Variants in LSM3 observed in about 807,000 individuals in gnomAD.
LSM3 encodes U6 snRNA-associated Sm-like protein LSm3.
LSM3 carries 14 observed loss-of-function variants against 15.4 expected under a neutral mutation model. That is an observed-to-expected ratio of 0.91 (90% CI 0.60 to 1.42). The LOEUF (loss-of-function observed/expected upper bound fraction) is 1.42, where lower values mean the gene tolerates loss of function less well. LSM3 is among the 40% of genes most tolerant of loss of function. The pLI, the probability that LSM3 is intolerant of heterozygous loss-of-function variation, is 0.00. For synonymous variants in LSM3, 46 were observed against 45.1 expected, an observed-to-expected ratio of 1.02 and a Z score of -0.08; for missense variants, 88 against 127.9, an observed-to-expected ratio of 0.69 and a Z score of 1.50.
intron 3 of LSM3, among the ~76,000 whole-genome samples, chr3:14,196,418 G>A (rs1317615886): frequency 2.0e-5 from 3 of 152,178 alleles, no homozygotes; most frequent in African/African-American, 7.2e-5. Flanking sequence ...TTCTCCGTCA[G>A]ACCACATGTG....
rs1038246674 is a variant in LSM3, at chr3:14,184,113, C to G, written c.228+81C>G. On this transcript the variant is annotated intron_variant, in intron 3 of 3. Transcript: ENST00000306024. ...CAGCTTAACCCATATTTATGGGAAG[C>G]CTGTCATGTTTTGACACCTACTTAT... is the stretch of plus-strand genomic sequence containing the variant. The G allele has an allele frequency of 2.7e-6, 4 of 1,465,028 alleles. No individual in the cohort carries two copies. In the East Asian group the frequency reaches 1.0e-4, roughly 36 times the overall value. The allele number at this position is 1,465,028 out of a possible 1,614,324, so 90.8% of individuals were successfully genotyped here.
chr3:14,180,855 TTTAA>T lies in LSM3; in HGVS notation c.22-704_22-701del, dbSNP rs539006174. ...TTTTTTTTTTTTTTTTTTTTTTTTT[TTTAA>T]AAAAAAAAAAGACAAGAGTCTCACT... is the stretch of plus-strand genomic sequence containing the variant. On this transcript the variant is annotated intron_variant, in intron 1 of 3. Transcript: ENST00000306024. 2.4e-3 allele frequency among the ~76,000 whole-genome samples: 201 copies of T among 85,224 alleles called. 5 individuals carry two copies. Among genetic ancestry groups the T allele is most frequent in the African/African-American group, 9.3e-3 (165 of 17,706 alleles). 55.9% of individuals were successfully genotyped at this position (85,224 alleles called of 152,430 possible). A position where few individuals can be genotyped will look rare whatever the true frequency, so the allele number is the denominator to read the frequency against.
intron 3 of LSM3, among the ~76,000 whole-genome samples, chr3:14,184,722 A>G (rs1187567138): frequency 7.3e-6 from 1 of 137,862 alleles, no homozygotes; most frequent in Non-Finnish European, 1.5e-5. Context: ...CCGCCACTGC[A>G]CTCCAGCCTG....
chr3:14,182,219 G>A (rs1235714546), intron 2 of LSM3, among the ~76,000 whole-genome samples: 2 of 151,942 alleles, frequency 1.3e-5, no homozygotes, highest in African/African-American at 4.8e-5. Context: ...TTAAAAATTG[G>A]GTTACCTTTT....
In LSM3 at chr3:14,181,620, C is replaced by T. The variant is rs758084216; in HGVS notation, c.82C>T (p.Arg28Ter). 5.6e-6 allele frequency: 9 copies of T among 1,613,826 alleles called. No homozygotes were observed. Among genetic ancestry groups the T allele is most frequent in the Non-Finnish European group, 6.8e-6 (8 of 1,179,912 alleles). Residue 28 changes from arginine (R) to a stop codon, truncating the protein, a stop_gained, in exon 2 of 4, where the codon CGA (arginine) becomes TGA (stop). Coordinates refer to ENST00000306024, the MANE Select transcript of LSM3 (RefSeq NM_014463.3). LOFTEE classifies it high-confidence loss of function. Reference protein sequence around the residue: ...LDLIRLSLDERIYVKMRNDRE... With the variant: ...LDLIRLSLDE ...TCTTATCAGGCTCAGCCTAGATGAG[C>T]GAATTTATGTGAAAATGAGAAATGA...
intron 3 of LSM3, among the ~76,000 whole-genome samples, chr3:14,184,656 C>T (rs1200943641): frequency 4.0e-5 from 6 of 150,578 alleles, no homozygotes; most frequent in African/African-American, 1.5e-4. Context: ...ACTTGGGAGG[C>T]TGAGGCAGGA....
chr3:14,187,658 T>G lies in LSM3; in HGVS notation c.228+3626T>G, dbSNP rs183009670. On this transcript the variant is annotated intron_variant, in intron 3 of 3. Coordinates refer to ENST00000306024, the MANE Select transcript of LSM3 (RefSeq NM_014463.3). ...CCTTGGCCCATTTTACATTTCGCTC[T>G]CTCTCTCGTCTATTGAAATAACTAA... is the stretch of plus-strand genomic sequence containing the variant. 1.9e-3 allele frequency among the ~76,000 whole-genome samples: 286 copies of G among 152,296 alleles called. 2 individuals are homozygous for G. Among genetic ancestry groups the G allele is most frequent in the Non-Finnish European group, 7.4e-4 (50 of 68,026 alleles).
At chr3:14,186,710 A>G (rs1406145219) in intron 3 of LSM3, among the ~76,000 whole-genome samples, 1 of 152,112 alleles carries the variant, frequency 6.6e-6, no homozygotes, top group African/African-American at 2.4e-5. Flanking sequence ...TTCATTTATT[A>G]ACTATTGTTT....
At chr3:14,191,444 A>G (rs1697138813) in intron 3 of LSM3, among the ~76,000 whole-genome samples, 2 of 152,208 alleles carry the variant, frequency 1.3e-5, no homozygotes, top group African/African-American at 4.8e-5. Context: ...GCTATTAATT[A>G]CTGCCTCAAT....
At position 14,189,012 on chromosome 3, in the gene LSM3, CT is replaced by C. The variant is rs1697115674; in HGVS notation, c.228+4981del. On this transcript the variant is annotated intron_variant, in intron 3 of 3. Transcript: ENST00000306024. ...GTTCCCCTCCCTGTGCCCATGTGTTCTCATTGTTCAACTCTCACTTATGAGT... is the reference window on the plus strand; with the variant it reads ...GTTCCCCTCCCTGTGCCCATGTGTTCCATTGTTCAACTCTCACTTATGAGT... 2.6e-5 allele frequency among the ~76,000 whole-genome samples: 4 copies of C among 152,188 alleles called. No individual in the cohort carries two copies. The South Asian group carries it at 8.3e-4, about 32-fold the overall frequency.
chr3:14,195,202 A>G (rs1021382201), intron 3 of LSM3, among the ~76,000 whole-genome samples: 1 of 152,170 alleles, frequency 6.6e-6, no homozygotes, highest in African/African-American at 2.4e-5. Context: ...TGGGAACAAA[A>G]AGGAGTAGAG....
intron 1 of LSM3, among the ~76,000 whole-genome samples, chr3:14,180,681 G>A (rs1218370139): frequency 6.6e-6 from 1 of 152,088 alleles, no homozygotes; most frequent in Non-Finnish European, 1.5e-5. Flanking sequence ...AACCCAGAAA[G>A]AAGGTTGTGG....
At position 14,183,934 on chromosome 3, in the gene LSM3, T is replaced by C; in HGVS notation, c.133-3T>C. 2 of 1,598,816 alleles carry C rather than the reference T, an allele frequency of 1.3e-6. No homozygotes were observed. Among genetic ancestry groups the C allele is most frequent in the South Asian group, 1.1e-5 (1 of 88,204 alleles). On this transcript the variant is annotated splice_region_variant and splice_polypyrimidine_tract_variant and intron_variant, in intron 2 of 3. Coordinates refer to ENST00000306024, the MANE Select transcript of LSM3 (RefSeq NM_014463.3). ...TTCTTGGTTCTGTACCCTCCCACTT[T>C]AGGCTTATGATCAACATTTAAATAT...
At chr3:14,196,729 C>G (rs1310502219) in intron 3 of LSM3, among the ~76,000 whole-genome samples, 2 of 152,218 alleles carry the variant, frequency 1.3e-5, no homozygotes, top group Non-Finnish European at 2.9e-5. Context: ...CAAAATCTGG[C>G]AACCCTAAAT....
intron 3 of LSM3, among the ~76,000 whole-genome samples, chr3:14,188,674 C>A (rs184756075): frequency 6.6e-6 from 1 of 152,008 alleles, no homozygotes. Context: ...CTTCCTTGTG[C>A]TTTCGTTTTT....
intron 1 of LSM3, 115 bp from the exon 2 acceptor site, chr3:14,181,445 A>C: frequency 1.4e-6 from 1 of 701,560 alleles, no homozygotes. Flanking sequence ...TTTACAGATT[A>C]GGAGACTGAG....
At position 14,182,472 on chromosome 3, in the gene LSM3, G is replaced by A. The variant is rs149682619; in HGVS notation, c.132+802G>A. Among the ~76,000 whole-genome samples the A allele has an allele frequency of 6.8e-3, 1,027 of 151,596 alleles. 5 individuals are homozygous for A. Among genetic ancestry groups the A allele is most frequent in the African/African-American group, 0.022 (926 of 41,292 alleles). Reference sequence around the variant, plus strand: ...TTTTTTCATTTCTTGCTACAAATACGTAAATACTTGCAGTAAGCATTTTTT... The same window carrying A: ...TTTTTTCATTTCTTGCTACAAATACATAAATACTTGCAGTAAGCATTTTTT... On this transcript the variant is annotated intron_variant, in intron 2 of 3. Coordinates refer to ENST00000306024, the MANE Select transcript of LSM3 (RefSeq NM_014463.3).
chr3:14,196,390 G>C (rs898879804), intron 3 of LSM3, among the ~76,000 whole-genome samples: 1 of 152,144 alleles, frequency 6.6e-6, no homozygotes, highest in Non-Finnish European at 1.5e-5. Context: ...GTGCAGGACT[G>C]CCACGTGACT....
intron 1 of LSM3, among the ~76,000 whole-genome samples, chr3:14,179,927 C>A (rs1313735878): frequency 6.6e-6 from 1 of 152,164 alleles, no homozygotes; most frequent in African/African-American, 2.4e-5. Context: ...AGAATGAGCT[C>A]CTTGAGGGTG....
Sources: gnomAD v4.1 joint callset for allele counts (sites outside exome capture counted in the v4.1 genomes callset) on GRCh38, gnomAD v4.1.1 for gene constraint, MANE v1.5 for transcripts, NCBI Gene and HGNC (gene_info 2026-07-23, HGNC 2026-07-21) for gene names.